RERE: variants seen among roughly 807,000 people sequenced by gnomAD.
RERE encodes arginine-glutamic acid dipeptide repeats protein.
RERE carries 40 observed loss-of-function variants against 146.1 expected under a neutral mutation model. The observed-to-expected ratio is 0.27, with a 90% confidence interval of 0.21 to 0.36. The LOEUF is 0.36. Among genes scored for constraint, RERE ranks in the 10% least tolerant of loss-of-function variants. RERE has a pLI of 1.00. For missense variants in RERE, 1,933 were observed against 2,138.7 expected (o/e 0.90, Z 1.90); for synonymous variants, 1,003 against 866.0 (o/e 1.16, Z -2.78).
At chr1:8,501,263 C>T (rs1231424379) in intron 8 of RERE, among the ~76,000 whole-genome samples, 4 of 140,042 alleles carry the variant, frequency 2.9e-5, no homozygotes, top group Non-Finnish European at 6.3e-5. Context: ...AGGGGCGCCT[C>T]TGCCCGGTCG....
intron 11 of RERE, among the ~76,000 whole-genome samples, chr1:8,456,019 C>T (rs72866078): frequency 0.018 from 2,757 of 152,232 alleles, 102 homozygotes; most frequent in African/African-American, 0.064. Context: ...AGTCAGTGCA[C>T]GTAGCATCCA....
intron 4 of RERE, among the ~76,000 whole-genome samples, chr1:8,607,530 A>ATATTTTTTTTT (rs1646732034): frequency 3.5e-5 from 2 of 57,596 alleles, no homozygotes; most frequent in East Asian, 1.9e-3. Flanking sequence ...TTTTATATAT[A>ATATTTTTTTTT]TTTCTTTTTT....
intron 11 of RERE, among the ~76,000 whole-genome samples, chr1:8,451,290 G>C (rs1434753301): frequency 6.6e-6 from 1 of 152,128 alleles, no homozygotes; most frequent in Non-Finnish European, 1.5e-5. Flanking sequence ...AATTAGCTGG[G>C]GTGTGGTGGC....
At chr1:8,547,760 A>G (rs988918304) in intron 6 of RERE, among the ~76,000 whole-genome samples, 1 of 152,242 alleles carries the variant, frequency 6.6e-6, no homozygotes, top group African/African-American at 2.4e-5. Context: ...TACTTATCAG[A>G]AGGAACACAA....
At chr1:8,759,037 A>T (rs1435165090) in intron 1 of RERE, among the ~76,000 whole-genome samples, 2 of 152,180 alleles carry the variant, frequency 1.3e-5, no homozygotes, top group Non-Finnish European at 1.5e-5. Context: ...AACTACTCAG[A>T]TGCTGAAGCC....
At chr1:8,608,799 A>AAATTGACT (rs1646754497) in intron 4 of RERE, among the ~76,000 whole-genome samples, 1 of 152,236 alleles carries the variant, frequency 6.6e-6, no homozygotes, top group Non-Finnish European at 1.5e-5. Flanking sequence ...TCTTAAGAAT[A>AAATTGACT]AATTGACTGG....
intron 1 of RERE, among the ~76,000 whole-genome samples, chr1:8,688,358 C>T (rs1397053635): frequency 2.6e-5 from 4 of 151,888 alleles, no homozygotes; most frequent in African/African-American, 9.7e-5. Context: ...ACTCAGGAGT[C>T]GAAGACCAGC....
intron 4 of RERE, among the ~76,000 whole-genome samples, chr1:8,575,296 A>G (rs1486396339): frequency 6.6e-6 from 1 of 152,074 alleles, no homozygotes; most frequent in East Asian, 1.9e-4. Context: ...AATAAAGTGA[A>G]TAGTTGCTAA....
At chr1:8,607,563 T>TTTTTTTTTTTTTTC in intron 4 of RERE, among the ~76,000 whole-genome samples, 1 of 94,194 alleles carries the variant, frequency 1.1e-5, no homozygotes, top group Non-Finnish European at 2.2e-5. Flanking sequence ...TTTTTTTTTT[T>TTTTTTTTTTTTTTC]GAGACGGAGT....
rs181066719 is a variant in RERE at position 8,362,592 on chromosome 1, G to C, written c.1902+91C>G. 107 of 1,498,978 alleles carry C rather than the reference G, an allele frequency of 7.1e-5. No homozygotes were observed. In the Admixed American group the frequency reaches 1.8e-3, roughly 25 times the overall value. The allele number at this position is 1,498,978 out of a possible 1,614,324, so 92.9% of individuals were successfully genotyped here. A position where few individuals can be genotyped will look rare whatever the true frequency, so the allele number is the denominator to read the frequency against. On this transcript the variant is annotated intron_variant, in intron 16 of 22. Transcript: ENST00000400908. ...GGCTCCATGAATGAGCTGCATCCTCGTGTCTGAGGGAGCTGATCACGAATA... is the reference window on the plus strand; with the variant it reads ...GGCTCCATGAATGAGCTGCATCCTCCTGTCTGAGGGAGCTGATCACGAATA...
chr1:8,705,946 C>T (rs146378933), intron 1 of RERE, among the ~76,000 whole-genome samples: 3,926 of 151,932 alleles, frequency 0.026, 158 homozygotes, highest in African/African-American at 0.089. Context: ...GAAACCCTGT[C>T]TTTACTAAAA....
chr1:8,635,284 T>C (rs1201860577), intron 2 of RERE, among the ~76,000 whole-genome samples: 1 of 152,188 alleles, frequency 6.6e-6, no homozygotes, highest in Non-Finnish European at 1.5e-5. Context: ...AAATATACAA[T>C]ATACTCAGGA....
chr1:8,484,917 A>T (rs1308193277), intron 10 of RERE, among the ~76,000 whole-genome samples: 1 of 152,250 alleles, frequency 6.6e-6, no homozygotes, highest in Non-Finnish European at 1.5e-5. Context: ...TGAAAAGATA[A>T]GAAATGCATG....
chr1:8,789,282 C>CAAAAAAAAA lies in RERE; in HGVS notation c.-145+27869_-145+27877dup, dbSNP rs58993452. Among the ~76,000 whole-genome samples, 46 of 38,492 alleles carry CAAAAAAAAA rather than the reference C, an allele frequency of 1.2e-3. 3 individuals are homozygous for CAAAAAAAAA. Among genetic ancestry groups the CAAAAAAAAA allele is most frequent in the African/African-American group, 3.3e-3 (18 of 5,394 alleles). The allele number at this position is 38,492 out of a possible 152,430, so 25.3% of individuals were successfully genotyped here. On this transcript the variant is annotated intron_variant, in intron 1 of 22. Coordinates refer to ENST00000400908, the MANE Select transcript of RERE (RefSeq NM_001042681.2). Reference sequence around the variant, plus strand: ...CAACACAGCAAGACCTCCTCTCTACCAAAAAAAAAAAAAAAAAAAATATAT... The same window carrying CAAAAAAAAA: ...CAACACAGCAAGACCTCCTCTCTACCAAAAAAAAAAAAAAAAAAAAAAAAAAAAATATAT...
chr1:8,555,040 T>C (rs967076141), intron 6 of RERE, among the ~76,000 whole-genome samples: 1 of 152,216 alleles, frequency 6.6e-6, no homozygotes, highest in Non-Finnish European at 1.5e-5. Flanking sequence ...AAGAAGTTTA[T>C]AAAACACTGA....
intron 11 of RERE, among the ~76,000 whole-genome samples, chr1:8,440,677 C>T (rs528310679): frequency 6.8e-6 from 1 of 146,852 alleles, no homozygotes; most frequent in African/African-American, 2.5e-5. Context: ...CACCTAACGT[C>T]GAGTTTGAGA....
intron 12 of RERE, among the ~76,000 whole-genome samples, chr1:8,405,843 G>A (rs542414770): frequency 2.2e-4 from 33 of 152,164 alleles, no homozygotes; most frequent in Middle Eastern, 3.4e-3. Context: ...CACCATGTTG[G>A]CCAGGATGGT....
At chr1:8,545,980 G>GTTTTTTTT (rs1480930167) in intron 6 of RERE, among the ~76,000 whole-genome samples, 2 of 75,378 alleles carry the variant, frequency 2.7e-5, no homozygotes, top group African/African-American at 1.2e-4. Flanking sequence ...ACCATACCCA[G>GTTTTTTTT]TCTTTTTTTT....
intron 10 of RERE, among the ~76,000 whole-genome samples, chr1:8,473,629 A>G (rs1208421441): frequency 1.3e-5 from 2 of 152,200 alleles, no homozygotes; most frequent in Non-Finnish European, 2.9e-5. Flanking sequence ...TAAATTAACA[A>G]CTAGTCAATA....
Sources: allele counts gnomAD v4.1 joint callset (sites outside exome capture counted in the v4.1 genomes callset), GRCh38; gene constraint gnomAD v4.1.1; transcripts MANE v1.5; gene names NCBI Gene and HGNC (gene_info 2026-07-23, HGNC 2026-07-21).